TMEM144: variants seen among roughly 807,000 people sequenced by gnomAD.
The protein encoded by TMEM144 is transmembrane protein 144.
Under a neutral mutation model 43.6 loss-of-function variants are expected in TMEM144, and 39 were observed. The ratio of observed to expected loss-of-function variants is 0.90; its 90% CI spans 0.69 to 1.17. TMEM144 has a LOEUF of 1.17. TMEM144 is among the 50% of genes most tolerant of loss of function. The pLI, the probability that TMEM144 is intolerant of heterozygous loss-of-function variation, is 0.00. For missense variants in TMEM144, 417 were observed against 411.9 expected, an observed-to-expected ratio of 1.01 and a Z score of -0.11; for synonymous variants, 154 against 133.6, an observed-to-expected ratio of 1.15 and a Z score of -1.06.
intron 11 of TMEM144, among the ~76,000 whole-genome samples, chr4:158,242,171 G>A (rs557239208): frequency 1.3e-5 from 2 of 152,324 alleles, no homozygotes; most frequent in East Asian, 3.9e-4. Flanking sequence ...GCCCATCACA[G>A]AGATTATTCT....
At chr4:158,217,082 T>C (rs1384716347) in intron 4 of TMEM144, among the ~76,000 whole-genome samples, 2 of 152,124 alleles carry the variant, frequency 1.3e-5, no homozygotes, top group East Asian at 3.9e-4. Context: ...TCTGTACAAT[T>C]AGGAATTCAA....
At chr4:158,232,161 A>T (rs1419767215) in intron 6 of TMEM144, among the ~76,000 whole-genome samples, 2 of 152,262 alleles carry the variant, frequency 1.3e-5, no homozygotes, top group African/African-American at 4.8e-5. Flanking sequence ...TTAAAAGCCA[A>T]GAGTAAGTGA....
At chr4:158,227,859 TG>T (rs34033862) in intron 6 of TMEM144, among the ~76,000 whole-genome samples, 48,670 of 152,030 alleles carry the variant, frequency 0.32, 9,219 homozygotes, top group African/African-American at 0.53. Flanking sequence ...TAAGTTTTCC[TG>T]GTGTCATAGT....
At chr4:158,226,552 T>A (rs994717704) in intron 6 of TMEM144, among the ~76,000 whole-genome samples, 24 of 152,144 alleles carry the variant, frequency 1.6e-4, no homozygotes, top group African/African-American at 5.8e-4. Flanking sequence ...GGTAAAAATT[T>A]ATATTTTTAT....
chr4:158,246,406 A>G lies in TMEM144; in HGVS notation c.954+2057A>G, dbSNP rs188544565. On this transcript the variant is annotated intron_variant, in intron 12 of 12. Transcript: ENST00000296529. ...ACCTGATCTTTAAAATGATTATTCA[A>G]TTTTAGATTTAAAACATCATTTCAA... is the stretch of plus-strand genomic sequence containing the variant. Among the ~76,000 whole-genome samples the G allele has an allele frequency of 7.2e-5, 11 of 152,334 alleles. No individual in the cohort carries two copies. In the East Asian group the frequency reaches 2.1e-3, roughly 29 times the overall value.
chr4:158,224,780 G>A (rs1318260843), intron 6 of TMEM144, among the ~76,000 whole-genome samples: 5 of 152,182 alleles, frequency 3.3e-5, no homozygotes, highest in Non-Finnish European at 7.4e-5. Flanking sequence ...TGTGACTGGA[G>A]CAGGGCTTGT....
At chr4:158,217,609 T>C (rs886563133) in intron 5 of TMEM144, among the ~76,000 whole-genome samples, 189 bp downstream of exon 5, 7 of 152,192 alleles carry the variant, frequency 4.6e-5, no homozygotes, top group African/African-American at 7.2e-5. Flanking sequence ...TCTAGATATT[T>C]GATCAAGATA....
In TMEM144 at chr4:158,232,888, AT is replaced by A. The variant is rs761597475; in HGVS notation, c.414-9del. 4 of 1,588,288 alleles carry A rather than the reference AT, an allele frequency of 2.5e-6. No homozygotes were observed. The highest frequency in any genetic ancestry group is 3.4e-6 in the Non-Finnish European group (4 of 1,163,774). The stretch of plus-strand genomic sequence containing the variant: ...ATTATGATAAATATCACTAAAATTT[AT>A]TTTCCTTACAGTGCTTTCATATTTT... On this transcript the variant is annotated splice_polypyrimidine_tract_variant and intron_variant, in intron 6 of 12. Transcript: ENST00000296529.
chr4:158,226,176 A>G (rs2111118088), intron 6 of TMEM144, among the ~76,000 whole-genome samples: 1 of 152,382 alleles, frequency 6.6e-6, no homozygotes, highest in East Asian at 1.9e-4. Context: ...ATGATCCTCT[A>G]GTAAAATGAA....
At chr4:158,248,765 A>G (rs559445273) in intron 12 of TMEM144, among the ~76,000 whole-genome samples, 4 of 152,368 alleles carry the variant, frequency 2.6e-5, no homozygotes, top group Admixed American at 6.5e-5. Flanking sequence ...TTGAAGACGC[A>G]TATTTAAAAG....
chr4:158,224,195 T>G (rs1302723333), intron 6 of TMEM144, among the ~76,000 whole-genome samples: 1 of 152,214 alleles, frequency 6.6e-6, no homozygotes, highest in African/African-American at 2.4e-5. Context: ...TTGTTGGTCA[T>G]GCAAATGTCT....
intron 7 of TMEM144, 35 bp downstream of exon 7, chr4:158,233,017 C>T: frequency 1.4e-6 from 2 of 1,464,056 alleles, no homozygotes; most frequent in East Asian, 2.3e-5. Context: ...TGATTTGAAA[C>T]ATAAAATTAA....
At chr4:158,240,607 A>G (rs1735586802) in intron 10 of TMEM144, among the ~76,000 whole-genome samples, 189 bp downstream of exon 10, 3 of 152,096 alleles carry the variant, frequency 2.0e-5, no homozygotes, top group Admixed American at 2.0e-4. Flanking sequence ...ACCAAATATG[A>G]AGTATTTTAA....
At position 158,245,988 on chromosome 4, in the gene TMEM144, C is replaced by T. The variant is rs148417627; in HGVS notation, c.954+1639C>T. ...GAAAACTCACAAAATCAGAGAACTTCTCCCCTTCTAGCCAGGCATGGTGGC... is the reference window on the plus strand; with the variant it reads ...GAAAACTCACAAAATCAGAGAACTTTTCCCCTTCTAGCCAGGCATGGTGGC... On this transcript the variant is annotated intron_variant, in intron 12 of 12. Transcript: ENST00000296529. Among the ~76,000 whole-genome samples the T allele has an allele frequency of 3.7e-3, 566 of 152,108 alleles. 3 individuals are homozygous for T. The highest frequency in any genetic ancestry group is 0.012 in the African/African-American group (507 of 41,488).
At chr4:158,246,306 T>C (rs1037860072) in intron 12 of TMEM144, among the ~76,000 whole-genome samples, 2 of 152,212 alleles carry the variant, frequency 1.3e-5, no homozygotes, top group African/African-American at 4.8e-5. Context: ...TATGCAGTTG[T>C]AGTAGCAAAT....
rs191549545 is a variant in TMEM144 at position 158,235,524 on chromosome 4, T to C, written c.563+19T>C. On this transcript the variant is annotated intron_variant, in intron 8 of 12. Coordinates refer to ENST00000296529, the MANE Select transcript of TMEM144 (RefSeq NM_018342.5). ...GCATAGTGTAAGGAGAGGTTACTTC[T>C]TTGCTCTATTACTCTGTTTCATATT... The C allele has an allele frequency of 3.6e-4, 574 of 1,603,102 alleles. 3 individuals are homozygous for C. In the African/African-American group the frequency reaches 4.6e-3, roughly 13 times the overall value.
rs1736381996 is a variant in TMEM144, at chr4:158,254,508, A to G, written c.*981A>G. On this transcript the variant is annotated 3_prime_UTR_variant, in exon 13 of 13. Transcript: ENST00000296529. ...CAGGGTGGCGCACTACTATAATCCC[A>G]GCTGCTGGGGCGGCTGAAGTAGGAG... is the stretch of plus-strand genomic sequence containing the variant. The G allele has an allele frequency of 6.8e-6, 1 of 147,870 alleles. No homozygotes were observed. Among genetic ancestry groups the G allele is most frequent in the Non-Finnish European group, 1.5e-5 (1 of 67,622 alleles). 9.2% of individuals were successfully genotyped at this position (147,870 alleles called of 1,614,324 possible). A position where few individuals can be genotyped will look rare whatever the true frequency, so the allele number is the denominator to read the frequency against.
intron 12 of TMEM144, among the ~76,000 whole-genome samples, chr4:158,245,246 G>C (rs1283102702): frequency 9.0e-6 from 1 of 111,666 alleles, no homozygotes; most frequent in African/African-American, 3.8e-5. Context: ...GTGTGTGTGT[G>C]TGTGTGTGTG....
intron 9 of TMEM144, among the ~76,000 whole-genome samples, chr4:158,239,746 C>T (rs1735531793): frequency 6.6e-6 from 1 of 152,098 alleles, no homozygotes; most frequent in African/African-American, 2.4e-5. Flanking sequence ...TTTAGCTTTA[C>T]CAGATGATCA....
Sources: gnomAD v4.1 joint callset for allele counts (sites outside exome capture counted in the v4.1 genomes callset) on GRCh38, gnomAD v4.1.1 for gene constraint, MANE v1.5 for transcripts, NCBI Gene and HGNC (gene_info 2026-07-23, HGNC 2026-07-21) for gene names.